The following SGCZ variants were observed in gnomAD, a reference collection of about 807,000 sequenced individuals.
SGCZ encodes the protein zeta-sarcoglycan.
A neutral mutation model predicts 41.3 loss-of-function variants in SGCZ; 40 were observed. The observed-to-expected ratio is 0.97, with a 90% CI of 0.75 to 1.26. SGCZ has a LOEUF of 1.26. Ranked by LOEUF, SGCZ falls within the 50% of genes most tolerant of loss-of-function variation. The pLI, the probability that SGCZ is intolerant of heterozygous loss-of-function variation, is 0.00. For missense variants in SGCZ, 552 were observed against 369.8 expected (o/e 1.49, Z -4.04); for synonymous variants, 206 against 137.5 (o/e 1.50, Z -3.49).
chr8:14,567,772 C>A (rs536057925), intron 1 of SGCZ, among the ~76,000 whole-genome samples: 1 of 152,104 alleles, frequency 6.6e-6, no homozygotes, highest in African/African-American at 2.4e-5. Flanking sequence ...CCAGGGAGAC[C>A]ACGAACCCAC....
At chr8:15,227,204 G>A (rs181390783) in intron 1 of SGCZ, among the ~76,000 whole-genome samples, 10 of 152,294 alleles carry the variant, frequency 6.6e-5, no homozygotes, top group Admixed American at 3.9e-4. Flanking sequence ...TGGAGTATAT[G>A]TAAAGAGGGA....
intron 1 of SGCZ, among the ~76,000 whole-genome samples, chr8:14,949,247 T>C (rs571891824): frequency 6.6e-6 from 1 of 152,302 alleles, no homozygotes; most frequent in African/African-American, 2.4e-5. Flanking sequence ...ATAGTAGCTA[T>C]AAAATATTTT....
intron 1 of SGCZ, among the ~76,000 whole-genome samples, chr8:14,784,040 A>T (rs1272579657): frequency 1.5e-5 from 2 of 135,688 alleles, no homozygotes; most frequent in Non-Finnish European, 1.6e-5. Flanking sequence ...TTCAGATTGT[A>T]ATTTAATTTA....
chr8:15,182,138 T>A (rs1800198201), intron 1 of SGCZ, among the ~76,000 whole-genome samples: 2 of 152,200 alleles, frequency 1.3e-5, no homozygotes, highest in Non-Finnish European at 2.9e-5. Context: ...ACATTTTTCA[T>A]CATCACATAA....
chr8:14,449,394 A>T (rs1429643154), intron 2 of SGCZ, among the ~76,000 whole-genome samples: 2 of 152,144 alleles, frequency 1.3e-5, no homozygotes, highest in Admixed American at 1.3e-4. Context: ...CTAGACCTGG[A>T]TCATTTGTGT....
intron 5 of SGCZ, among the ~76,000 whole-genome samples, chr8:14,152,714 A>G (rs570908170): frequency 1.3e-5 from 2 of 152,338 alleles, no homozygotes; most frequent in South Asian, 2.1e-4. Flanking sequence ...TGTTCACACA[A>G]AAACTTGTAC....
intron 1 of SGCZ, among the ~76,000 whole-genome samples, chr8:14,750,150 G>A (rs1005565895): frequency 4.6e-5 from 7 of 152,068 alleles, no homozygotes; most frequent in African/African-American, 9.7e-5. Flanking sequence ...TTTGAATTAA[G>A]GTTAAAGGAG....
At chr8:14,098,840 C>A (rs1037258683) in intron 7 of SGCZ, among the ~76,000 whole-genome samples, 2 of 152,024 alleles carry the variant, frequency 1.3e-5, no homozygotes, top group African/African-American at 2.4e-5. Context: ...GCTATGGAGG[C>A]CTCATCAATG....
At chr8:14,473,790 T>C (rs1016379675) in intron 2 of SGCZ, among the ~76,000 whole-genome samples, 1 of 151,588 alleles carries the variant, frequency 6.6e-6, no homozygotes, top group African/African-American at 2.4e-5. Flanking sequence ...ACAAAAAAAT[T>C]AGCCAGGCGT....
chr8:14,525,026 C>T (rs931428449), intron 2 of SGCZ, among the ~76,000 whole-genome samples: 1 of 151,844 alleles, frequency 6.6e-6, no homozygotes, highest in African/African-American at 2.4e-5. Flanking sequence ...CCTTTATTCA[C>T]AGATAGAAAG....
Position 14,746,537 on chromosome 8 carries a change from T to A in SGCZ, c.40-191611A>T, listed in dbSNP as rs992497455. 5.3e-5 allele frequency among the ~76,000 whole-genome samples: 8 copies of A among 152,130 alleles called. No individual in the cohort carries two copies. The East Asian group carries it at 1.5e-3, about 29-fold the overall frequency. ...TCACTCTCTCCCCTCCCACTCTCTA[T>A]CTCAGGATGTGTAAATAAAATAAAT... On this transcript the variant is annotated intron_variant, in intron 1 of 7. Transcript: ENST00000382080.
At chr8:15,198,215 G>C (rs1379932045) in intron 1 of SGCZ, among the ~76,000 whole-genome samples, 2 of 151,614 alleles carry the variant, frequency 1.3e-5, no homozygotes, top group African/African-American at 2.4e-5. Flanking sequence ...AGCAAGTGTA[G>C]CTAAAAATCT....
intron 2 of SGCZ, among the ~76,000 whole-genome samples, chr8:14,517,509 C>T (rs985174101): frequency 7.9e-5 from 12 of 151,890 alleles, no homozygotes; most frequent in Non-Finnish European, 1.5e-4. Context: ...CTAAAATAGG[C>T]CTTTAACTTT....
chr8:14,458,680 T>A lies in SGCZ; in HGVS notation c.234+96052A>T, dbSNP rs530032493. Among the ~76,000 whole-genome samples the A allele has an allele frequency of 3.3e-5, 5 of 152,270 alleles. No homozygotes were observed. In the East Asian group the frequency reaches 9.7e-4, roughly 29 times the overall value. On this transcript the variant is annotated intron_variant, in intron 2 of 7. Transcript: ENST00000382080. ...CTCTATCTAGCAACATATGGAGTAG[T>A]ATCTCTATCTATCTATCTATATATC...
At chr8:14,679,049 A>G (rs1218616948) in intron 1 of SGCZ, among the ~76,000 whole-genome samples, 2 of 152,148 alleles carry the variant, frequency 1.3e-5, no homozygotes, top group Non-Finnish European at 2.9e-5. Context: ...AAAAATTCCT[A>G]TCGTCTAGTG....
intron 1 of SGCZ, among the ~76,000 whole-genome samples, chr8:14,767,639 T>G (rs1167258938): frequency 6.6e-6 from 1 of 152,174 alleles, no homozygotes; most frequent in Non-Finnish European, 1.5e-5. Context: ...TCAAACGAAA[T>G]TTTATTCGGA....
At chr8:14,331,726 A>T (rs914816149) in intron 2 of SGCZ, among the ~76,000 whole-genome samples, 1 of 151,946 alleles carries the variant, frequency 6.6e-6, no homozygotes, top group Non-Finnish European at 1.5e-5. Flanking sequence ...ATGTACCTTC[A>T]GTTGTCAGGG....
At chr8:14,716,318 G>C (rs1809688745) in intron 1 of SGCZ, among the ~76,000 whole-genome samples, 1 of 151,954 alleles carries the variant, frequency 6.6e-6, no homozygotes, top group Non-Finnish European at 1.5e-5. Context: ...TGAACAATGA[G>C]AGCAAAATCA....
At chr8:14,818,382 C>A (rs2130559940) in intron 1 of SGCZ, among the ~76,000 whole-genome samples, 2 of 152,238 alleles carry the variant, frequency 1.3e-5, no homozygotes, top group African/African-American at 4.8e-5. Flanking sequence ...AGAATTATAG[C>A]CAAAGAAACT....
Sources: allele counts gnomAD v4.1 joint callset (sites outside exome capture counted in the v4.1 genomes callset), GRCh38; gene constraint gnomAD v4.1.1; transcripts MANE v1.5; gene names NCBI Gene and HGNC (gene_info 2026-07-23, HGNC 2026-07-21).